MEIS1: variants seen among roughly 807,000 people sequenced by gnomAD.
MEIS1 encodes the protein Meis homeobox 1.
In MEIS1, 5 loss-of-function variants were observed where a neutral mutation model predicts 50.8. The ratio of observed to expected loss-of-function variants is 0.10; its 90% CI spans 0.05 to 0.21. MEIS1 has a LOEUF of 0.21. Among genes scored for constraint, MEIS1 ranks in the 10% least tolerant of loss-of-function variants. The pLI, the probability that MEIS1 is intolerant of heterozygous loss-of-function variation, is 1.00. For synonymous variants in MEIS1, 176 were observed against 179.3 expected (o/e 0.98, Z 0.15); for missense variants, 318 against 517.3 (o/e 0.61, Z 3.74).
intron 7 of MEIS1, among the ~76,000 whole-genome samples, chr2:66,476,880 T>C (rs1265219568): frequency 1.6e-4 from 25 of 151,770 alleles, no homozygotes; most frequent in Admixed American, 1.6e-3. Flanking sequence ...TTGGGAGAGA[T>C]GGAGAAGAGG....
At chr2:66,562,062 T>TTTTTTTTTTTTTTTTTTTG in intron 9 of MEIS1, 1 of 140,866 alleles carries the variant, frequency 7.1e-6, no homozygotes. Flanking sequence ...TTTTTTTTTT[T>TTTTTTTTTTTTTTTTTTTG]TTTTTTTTAC....
At chr2:66,523,303 T>C (rs2103877222) in intron 8 of MEIS1, among the ~76,000 whole-genome samples, 1 of 152,368 alleles carries the variant, frequency 6.6e-6, no homozygotes, top group East Asian at 1.9e-4. Context: ...ATGTGGTGTC[T>C]ATGACCCATT....
rs138477936 is a variant in MEIS1 at position 66,480,310 on chromosome 2, G to T, written c.742+16090G>T. The stretch of plus-strand genomic sequence containing the variant: ...ATTGAAATATTTCCCTGGCTACTCA[G>T]GATGAAAATGTGGTCTACTAACAGC... On this transcript the variant is annotated intron_variant, in intron 7 of 12. Transcript: ENST00000272369. Among the ~76,000 whole-genome samples the T allele has an allele frequency of 3.8e-3, 585 of 152,286 alleles. 6 individuals carry two copies. Among genetic ancestry groups the T allele is most frequent in the African/African-American group, 0.013 (542 of 41,562 alleles).
In MEIS1 at chr2:66,439,823, A is replaced by G. The variant is rs1446612281; in HGVS notation, c.240-20A>G. On this transcript the variant is annotated intron_variant, in intron 2 of 12. Transcript: ENST00000272369. ...GGGACTAACCATTATGTTGTTTGTG[A>G]CTGTTGTATTTTCTTGCAGACACCC... The G allele has an allele frequency of 1.2e-6, 2 of 1,610,622 alleles. No individual in the cohort carries two copies. Among genetic ancestry groups the G allele is most frequent in the Non-Finnish European group, 8.5e-7 (1 of 1,178,192 alleles).
chr2:66,530,950 A>G (rs1349494472), intron 8 of MEIS1, among the ~76,000 whole-genome samples: 3 of 152,220 alleles, frequency 2.0e-5, no homozygotes, highest in African/African-American at 7.2e-5. Flanking sequence ...AAACCATGCA[A>G]ATGCAGCTGT....
At chr2:66,446,799 G>A (rs1672162350) in intron 6 of MEIS1, among the ~76,000 whole-genome samples, 7 of 152,344 alleles carry the variant, frequency 4.6e-5, no homozygotes, top group Admixed American at 4.6e-4. Context: ...CCGGGGCTGT[G>A]CAGCCCAGAC....
intron 9 of MEIS1, among the ~76,000 whole-genome samples, chr2:66,552,544 G>T (rs564973401): frequency 6.6e-6 from 1 of 152,242 alleles, no homozygotes; most frequent in East Asian, 1.9e-4. Flanking sequence ...CTTAGATTTA[G>T]TGCTCATACC....
chr2:66,498,459 C>G (rs1207810338), intron 7 of MEIS1, among the ~76,000 whole-genome samples: 1 of 152,094 alleles, frequency 6.6e-6, no homozygotes, highest in African/African-American at 2.4e-5. Context: ...CTTGTAATAC[C>G]TCCAACATAG....
intron 11 of MEIS1, 21 bp from the exon 12 acceptor site, chr2:66,569,029 G>A: frequency 2.5e-6 from 4 of 1,609,738 alleles, no homozygotes; most frequent in Non-Finnish European, 3.4e-6. Flanking sequence ...GCCTCTTCTT[G>A]GATTTTTATC....
intron 8 of MEIS1, among the ~76,000 whole-genome samples, chr2:66,521,808 A>G (rs1406578401): frequency 3.3e-5 from 5 of 152,208 alleles, no homozygotes; most frequent in Non-Finnish European, 4.4e-5. Flanking sequence ...GCAAATCTAC[A>G]TGCAGAAAGG....
chr2:66,463,914 A>C (rs574801470), intron 6 of MEIS1, among the ~76,000 whole-genome samples, 195 bp from the exon 7 acceptor site: 4 of 152,358 alleles, frequency 2.6e-5, no homozygotes, highest in Non-Finnish European at 5.9e-5. Context: ...ATATTATTTT[A>C]GCTTGGAAGC....
chr2:66,440,503 A>T (rs1417290343), intron 3 of MEIS1, 59 bp from the exon 4 acceptor site: 3 of 1,490,292 alleles, frequency 2.0e-6, no homozygotes, highest in Admixed American at 1.8e-5. Context: ...CCAGATTTCA[A>T]ATTTTTCTTT....
Position 66,572,648 on chromosome 2 carries a change from G to C in MEIS1, c.*1440G>C, listed in dbSNP as rs1430347058. 6.6e-6 allele frequency: 1 copy of C among 152,124 alleles called. No individual in the cohort carries two copies. Among genetic ancestry groups the C allele is most frequent in the Non-Finnish European group, 1.5e-5 (1 of 68,026 alleles). The allele number at this position is 152,124 out of a possible 1,614,324, so 9.4% of individuals were successfully genotyped here. A position where few individuals can be genotyped will look rare whatever the true frequency, so the allele number is the denominator to read the frequency against. On this transcript the variant is annotated 3_prime_UTR_variant, in exon 13 of 13. Coordinates refer to ENST00000272369, the MANE Select transcript of MEIS1 (RefSeq NM_002398.3). ...AACAATCATTGCACACTGAGTCTTA[G>C]CGTTTCTGATGGAAACAGTTTGGAT...
chr2:66,557,009 G>T (rs1364776522), intron 9 of MEIS1, among the ~76,000 whole-genome samples: 2 of 152,064 alleles, frequency 1.3e-5, no homozygotes, highest in Admixed American at 6.6e-5. Context: ...AGCATATCGA[G>T]AATTAAATTT....
rs1034690604 is a variant in MEIS1, at chr2:66,435,657, C to T, written c.-200C>T. 2.2e-6 allele frequency: 1 copy of T among 460,984 alleles called. No individual in the cohort carries two copies. The highest frequency in any genetic ancestry group is 3.8e-6 in the Non-Finnish European group (1 of 261,422). 28.6% of individuals were successfully genotyped at this position (460,984 alleles called of 1,614,324 possible). A position where few individuals can be genotyped will look rare whatever the true frequency, so the allele number is the denominator to read the frequency against. Reference sequence around the variant, plus strand: ...CGGAGCGCTTTTATGCTCAGTGACTCGGGCGCTTTGCTTCAGGTCCCGTAG... The same window carrying T: ...CGGAGCGCTTTTATGCTCAGTGACTTGGGCGCTTTGCTTCAGGTCCCGTAG... On this transcript the variant is annotated 5_prime_UTR_variant, in exon 1 of 13. Coordinates refer to ENST00000272369, the MANE Select transcript of MEIS1 (RefSeq NM_002398.3).
chr2:66,522,420 A>G (rs1177519011), intron 8 of MEIS1, among the ~76,000 whole-genome samples: 2 of 152,176 alleles, frequency 1.3e-5, no homozygotes, highest in Non-Finnish European at 2.9e-5. Flanking sequence ...CTCCATTGAG[A>G]CAACAGTGGG....
intron 8 of MEIS1, among the ~76,000 whole-genome samples, chr2:66,515,621 G>A (rs373779741): frequency 6.6e-6 from 1 of 152,252 alleles, no homozygotes; most frequent in East Asian, 1.9e-4. Context: ...AAGGAAACGA[G>A]TTTTAAACTT....
At position 66,547,966 on chromosome 2, in the gene MEIS1, G is replaced by A; in HGVS notation, c.912G>A (p.Gln304=). 1 of 1,613,066 alleles carries A rather than the reference G, an allele frequency of 6.2e-7. No individual in the cohort carries two copies. Among genetic ancestry groups the A allele is most frequent in the Admixed American group, 1.7e-5 (1 of 59,936 alleles). The change falls in exon 9 of 13, where the codon CAG becomes CAA. Residue 304 remains glutamine, a synonymous_variant. Transcript: ENST00000272369. ...AGCACCCTTACCCTTCTGAAGAACA[G>A]AAAAAGCAGTTGGCACAAGACACGG... The part of the protein sequence containing the change: ...HLTHPYPSEE[Q]KKQLAQDTGL...
Position 66,463,338 on chromosome 2 carries a change from C to T in MEIS1, c.631-771C>T, listed in dbSNP as rs113999580. ...ATGAGGCTGTTTTTGAAAGCTAGCACTAAAAGCTAATTAAAATCTTTTCTG... is the reference window on the plus strand; with the variant it reads ...ATGAGGCTGTTTTTGAAAGCTAGCATTAAAAGCTAATTAAAATCTTTTCTG... On this transcript the variant is annotated intron_variant, in intron 6 of 12. Transcript: ENST00000272369. Among the ~76,000 whole-genome samples the T allele has an allele frequency of 2.9e-3, 447 of 152,186 alleles. 5 individuals are homozygous for T. Among genetic ancestry groups the T allele is most frequent in the African/African-American group, 0.01 (434 of 41,516 alleles).
Sources: gnomAD v4.1 joint callset for allele counts (sites outside exome capture counted in the v4.1 genomes callset) on GRCh38, gnomAD v4.1.1 for gene constraint, MANE v1.5 for transcripts, NCBI Gene and HGNC (gene_info 2026-07-23, HGNC 2026-07-21) for gene names.